DENND6B: variants seen among roughly 807,000 people sequenced by gnomAD.
DENND6B encodes DENN domain containing 6B.
In DENND6B, 73 loss-of-function variants were observed where a neutral mutation model predicts 85.1. The observed-to-expected ratio is 0.86, with a 90% CI of 0.71 to 1.04. The LOEUF is 1.04. Among genes scored for constraint, DENND6B ranks in the 50% least tolerant of loss-of-function variants. The pLI, the probability that DENND6B is intolerant of heterozygous loss-of-function variation, is 0.00. For synonymous variants in DENND6B, 357 were observed against 329.3 expected, an observed-to-expected ratio of 1.08 and a Z score of -0.91; for missense variants, 715 against 785.8, an observed-to-expected ratio of 0.91 and a Z score of 1.08.
At chr22:50,317,224 A>G in intron 5 of DENND6B, 69 bp downstream of exon 5, 1 of 1,570,440 alleles carries the variant, frequency 6.4e-7, no homozygotes, top group Non-Finnish European at 8.7e-7. Context: ...GCCCGCCCAC[A>G]GCCCCTCCTG....
Position 50,317,957 on chromosome 22 carries a change from C to G in DENND6B, c.323G>C (p.Trp108Ser). ...GTTGTAGTGCCTGTCGTCGGCATGC[C>G]AGGGGCTCCTCTGCCCTCCACACTG... ...MRQCGGQRSP[W>S]HADDRHYNSR... The change falls in exon 4 of 20, where the codon TGG (tryptophan) becomes TCG (serine). Residue 108 changes from tryptophan to serine, a missense_variant. Transcript: ENST00000413817. 1 of 1,612,202 alleles carries G rather than the reference C, an allele frequency of 6.2e-7. No individual in the cohort carries two copies. Among genetic ancestry groups the G allele is most frequent in the East Asian group, 2.2e-5 (1 of 44,890 alleles).
At chr22:50,322,553 T>C (rs2042078437) in intron 1 of DENND6B, among the ~76,000 whole-genome samples, 1 of 152,022 alleles carries the variant, frequency 6.6e-6, no homozygotes, top group African/African-American at 2.4e-5. Flanking sequence ...ATTTTTGTCT[T>C]TTTTTGTTTG....
intron 1 of DENND6B, among the ~76,000 whole-genome samples, chr22:50,321,509 C>T (rs996880374): frequency 5.9e-5 from 9 of 151,884 alleles, no homozygotes; most frequent in Admixed American, 1.3e-4. Context: ...TAAGGGTGCA[C>T]GCCACCACGC....
chr22:50,324,916 C>T (rs117289563), intron 1 of DENND6B, among the ~76,000 whole-genome samples: 3,196 of 152,284 alleles, frequency 0.021, 60 homozygotes, highest in Admixed American at 0.032. Flanking sequence ...CCTTCCATAT[C>T]GCAGAACCAA....
chr22:50,323,492 C>G (rs977223053), intron 1 of DENND6B, among the ~76,000 whole-genome samples: 1 of 151,648 alleles, frequency 6.6e-6, no homozygotes, highest in Admixed American at 6.6e-5. Flanking sequence ...CACCATGTTG[C>G]CCAGGCTGGT....
At chr22:50,313,552 ATCCCCC>A (rs2147766848) in intron 15 of DENND6B, 53 bp from the exon 16 acceptor site, 5 of 389,514 alleles carry the variant, frequency 1.3e-5, no homozygotes, top group Non-Finnish European at 1.8e-5. Flanking sequence ...CCCCAGCCCC[ATCCCCC>A]GCAGCCCCGT....
rs1413781758 is a variant in DENND6B at position 50,314,291 on chromosome 22, G to A, written c.1073-19C>T. On this transcript the variant is annotated intron_variant, in intron 12 of 19. Coordinates refer to ENST00000413817, the MANE Select transcript of DENND6B (RefSeq NM_001001794.4). ...AGGTCTCCTACGAGACACGCCCGGT[G>A]GCCAGGCCTCAGTGCCCGCAGCTCT... 6.2e-7 allele frequency: 1 copy of A among 1,607,528 alleles called. No homozygotes were observed.
At chr22:50,318,773 G>A (rs1456005510) in intron 3 of DENND6B, 74 bp downstream of exon 3, 3 of 1,589,908 alleles carry the variant, frequency 1.9e-6, no homozygotes, top group Non-Finnish European at 2.6e-6. Context: ...AGGCAGCCAT[G>A]ATGCCCCTGG....
intron 1 of DENND6B, among the ~76,000 whole-genome samples, chr22:50,320,464 GTCTC>G (rs1358401971): frequency 6.6e-6 from 1 of 152,218 alleles, no homozygotes; most frequent in Non-Finnish European, 1.5e-5. Context: ...TGCAGAGTAA[GTCTC>G]TCTAAGGACC....
At position 50,314,860 on chromosome 22, in the gene DENND6B, G is replaced by A. The variant is rs955257069; in HGVS notation, c.820C>T (p.Pro274Ser). Residue 274 changes from proline to serine, a missense_variant, in exon 10 of 20, where the codon CCC becomes TCC. Pro to Ser is a moderately conservative substitution (Grantham distance 74). Transcript: ENST00000413817. Reference sequence around the variant, plus strand: ...GGCGAGGGTGCCAGGACTAGCAGGGGCTCCCCGAGGAGCATGAGCTCCCAC... The same window carrying A: ...GGCGAGGGTGCCAGGACTAGCAGGGACTCCCCGAGGAGCATGAGCTCCCAC... ...TLWELMLLGE[P>S]LLVLAPSPDV... 28 of 1,611,990 alleles carry A rather than the reference G, an allele frequency of 1.7e-5. No individual in the cohort carries two copies. Among genetic ancestry groups the A allele is most frequent in the African/African-American group, 4.0e-5 (3 of 74,920 alleles).
At chr22:50,323,311 C>G (rs2042107737) in intron 1 of DENND6B, among the ~76,000 whole-genome samples, 1 of 137,076 alleles carries the variant, frequency 7.3e-6, no homozygotes, top group South Asian at 2.4e-4. Flanking sequence ...TTTTTGAGAG[C>G]TGCACTCCAG....
intron 5 of DENND6B, 154 bp downstream of exon 5, chr22:50,317,139 G>A: frequency 1.4e-6 from 1 of 692,416 alleles, no homozygotes; most frequent in Non-Finnish European, 2.4e-6. Flanking sequence ...AGGGTGGGGG[G>A]GCGGCAAGGA....
chr22:50,313,142 C>T (rs2068107288), intron 16 of DENND6B, 34 bp from the exon 17 acceptor site: 1 of 1,539,062 alleles, frequency 6.5e-7, no homozygotes, highest in African/African-American at 1.4e-5. Context: ...CACGTGGGAA[C>T]TCGGCCTCAC....
At chr22:50,318,046 G>A (rs770058913) in intron 3 of DENND6B, 26 bp from the exon 4 acceptor site, 5 of 1,608,834 alleles carry the variant, frequency 3.1e-6, no homozygotes, top group Non-Finnish European at 4.2e-6. Flanking sequence ...CCCACCACAC[G>A]GGTCAAGGCC....
chr22:50,313,561 AG>A, intron 15 of DENND6B, 62 bp from the exon 16 acceptor site: 1 of 162,370 alleles, frequency 6.2e-6, no homozygotes, highest in Non-Finnish European at 9.8e-6. Context: ...CATCCCCCGC[AG>A]CCCCGTCCCC....
rs114288684 is a variant in DENND6B, at chr22:50,320,543, C to T, written c.178-1540G>A. Among the ~76,000 whole-genome samples, 941 of 152,244 alleles carry T rather than the reference C, an allele frequency of 6.2e-3. 17 individuals are homozygous for T. Among genetic ancestry groups the T allele is most frequent in the African/African-American group, 0.022 (905 of 41,536 alleles). ...ACAGACCCTCCCCAAATACAGTGTT[C>T]GTGGAATGTGTGAAGAGGTCTCTGA... On this transcript the variant is annotated intron_variant, in intron 1 of 19. Coordinates refer to ENST00000413817, the MANE Select transcript of DENND6B (RefSeq NM_001001794.4).
intron 1 of DENND6B, among the ~76,000 whole-genome samples, chr22:50,319,934 A>G (rs2041991589): frequency 6.6e-6 from 1 of 152,252 alleles, no homozygotes; most frequent in Non-Finnish European, 1.5e-5. Flanking sequence ...GTGCGCTGAC[A>G]GAGGCGGCAG....
rs1446245908 is a variant in DENND6B at position 50,314,799 on chromosome 22, C to T, written c.881G>A (p.Ser294Asn). 6.2e-7 allele frequency: 1 copy of T among 1,604,894 alleles called. No individual in the cohort carries two copies. Among genetic ancestry groups the T allele is most frequent in the African/African-American group, 1.3e-5 (1 of 74,878 alleles). Residue 294 changes from serine (S) to asparagine (N), a missense_variant and splice_region_variant, in exon 10 of 20, where the codon AGC (serine) becomes AAC (asparagine). Transcript: ENST00000413817. ...AGCCGGGACCGGGCCAAGGCGATAC[C>T]TGGTCAAGGCCAGCACCATCTCCGA... is the stretch of plus-strand genomic sequence containing the variant. ...VSSEMVLALT[S>N]CLQPLRFCCD...
chr22:50,324,485 C>T (rs981647041), intron 1 of DENND6B, among the ~76,000 whole-genome samples: 1 of 152,186 alleles, frequency 6.6e-6, no homozygotes, highest in Non-Finnish European at 1.5e-5. Flanking sequence ...AGTGCCATGG[C>T]GCGATCTCGG....
Sources: allele counts gnomAD v4.1 joint callset (sites outside exome capture counted in the v4.1 genomes callset), GRCh38; gene constraint gnomAD v4.1.1; transcripts MANE v1.5; gene names NCBI Gene and HGNC (gene_info 2026-07-23, HGNC 2026-07-21).